The following TCF20 variants were observed in gnomAD, a reference collection of about 807,000 sequenced individuals.
The protein encoded by TCF20 is transcription factor 20.
TCF20 carries 3 observed loss-of-function variants against 148.6 expected under a neutral mutation model. That is an observed-to-expected ratio of 0.02 (90% CI 0.01 to 0.05). The LOEUF (loss-of-function observed/expected upper bound fraction) is 0.05. Ranked by LOEUF, TCF20 falls within the 10% of genes least tolerant of loss-of-function variation. The pLI, the probability that TCF20 is intolerant of heterozygous loss-of-function variation, is 1.00. For missense variants in TCF20, 2,350 were observed against 2,429.3 expected, an observed-to-expected ratio of 0.97 and a Z score of 0.69; for synonymous variants, 1,049 against 909.5, an observed-to-expected ratio of 1.15 and a Z score of -2.76.
chr22:42,240,141 G>A (rs1924266093), intron 1 of TCF20, among the ~76,000 whole-genome samples: 1 of 152,182 alleles, frequency 6.6e-6, no homozygotes, highest in South Asian at 2.1e-4. Flanking sequence ...CACCCACGAG[G>A]TAGGTACAAT....
chr22:42,340,845 G>GGGGGAGGGGAAA (rs941538899), intron 1 of TCF20, among the ~76,000 whole-genome samples: 1 of 152,134 alleles, frequency 6.6e-6, no homozygotes, highest in African/African-American at 2.4e-5. Flanking sequence ...GGAAGGGGGA[G>GGGGGAGGGGAAA]GGGGAGGGGA....
In TCF20 at chr22:42,214,472, A is replaced by C. The variant is rs1921465127; in HGVS notation, c.834T>G (p.Gly278=). 6.2e-7 allele frequency: 1 copy of C among 1,613,924 alleles called. No individual in the cohort carries two copies. The highest frequency in any genetic ancestry group is 8.5e-7 in the Non-Finnish European group (1 of 1,180,026). Reference sequence around the variant, plus strand: ...GTGTTCCATAAGCCTGTGCATTAGAACCCACATTGTGTCCTTCATACTGAG... The same window carrying C: ...GTGTTCCATAAGCCTGTGCATTAGACCCCACATTGTGTCCTTCATACTGAG... ...AGSQYEGHNV[G]SNAQAYGTQS... The change falls in exon 2 of 6, where the codon GGT becomes GGG. Residue 278 remains glycine, a synonymous_variant. Transcript: ENST00000677622.
chr22:42,242,411 T>C (rs1357351437), intron 1 of TCF20, among the ~76,000 whole-genome samples: 1 of 151,876 alleles, frequency 6.6e-6, no homozygotes, highest in African/African-American at 2.4e-5. Flanking sequence ...CTCTATTATC[T>C]AGAATGTCTT....
chr22:42,215,064 C>A lies in TCF20; in HGVS notation c.242G>T (p.Gly81Val), dbSNP rs751605950. The A allele has an allele frequency of 7.4e-6, 12 of 1,614,212 alleles. No individual in the cohort carries two copies. Among genetic ancestry groups the A allele is most frequent in the South Asian group, 1.1e-5 (1 of 91,086 alleles). The change falls in exon 2 of 6, where the codon GGT becomes GTT. Residue 81 changes from glycine (G) to valine (V), a missense_variant. This residue lies in a region of TCF20 where 1,641 missense variants were observed against 1,662.6 expected (regional missense o/e 0.99). Transcript: ENST00000677622. ...SETSGHQGYQGFRKEAGDFYY... is the reference protein window; with the variant it reads ...SETSGHQGYQVFRKEAGDFYY... Reference sequence around the variant, plus strand: ...AAAATCTCCAGCCTCTTTCCTGAAACCCTGGTAACCTTGATGGCCAGAGGT... The same window carrying A: ...AAAATCTCCAGCCTCTTTCCTGAAAACCTGGTAACCTTGATGGCCAGAGGT...
chr22:42,288,850 GAGAA>G (rs1354254424), upstream of TCF20, among the ~76,000 whole-genome samples: 3 of 151,938 alleles, frequency 2.0e-5, no homozygotes, highest in Admixed American at 6.6e-5. Context: ...CTGAGGCCCA[GAGAA>G]AGAAAGACTT....
chr22:42,219,126 G>A (rs1299474755), intron 1 of TCF20, among the ~76,000 whole-genome samples: 1 of 151,860 alleles, frequency 6.6e-6, no homozygotes, highest in Non-Finnish European at 1.5e-5. Flanking sequence ...GCTCACACCT[G>A]TAATCCCAGT....
intron 1 of TCF20, among the ~76,000 whole-genome samples, chr22:42,331,536 G>A (rs184765937): frequency 9.6e-4 from 146 of 152,350 alleles, no homozygotes; most frequent in Non-Finnish European, 1.4e-3. Flanking sequence ...TCCCAGACCC[G>A]GGCAACCTTG....
intron 1 of TCF20, among the ~76,000 whole-genome samples, chr22:42,312,227 A>G (rs1180797864): frequency 6.6e-6 from 1 of 152,230 alleles, no homozygotes; most frequent in Non-Finnish European, 1.5e-5. Flanking sequence ...GGATTACAGC[A>G]GCAAGGACTC....
chr22:42,323,942 TGATGGA>T (rs1927798386), intron 1 of TCF20, among the ~76,000 whole-genome samples: 1 of 112,368 alleles, frequency 8.9e-6, no homozygotes, highest in Non-Finnish European at 1.9e-5. Flanking sequence ...GTGGTGGTGG[TGATGGA>T]GGTTATGGTG....
chr22:42,276,362 A>ATTTTCT (rs920613660), intron 1 of TCF20: 7 of 152,202 alleles, frequency 4.6e-5, no homozygotes, highest in Admixed American at 4.6e-4. Flanking sequence ...ACAAGTGAAG[A>ATTTTCT]AATGGAGGCC....
At chr22:42,215,677 T>C (rs1015240636) in intron 1 of TCF20, among the ~76,000 whole-genome samples, 1 of 152,190 alleles carries the variant, frequency 6.6e-6, no homozygotes, top group Non-Finnish European at 1.5e-5. Flanking sequence ...TTCACTGTGC[T>C]GGCCAGGCTG....
In TCF20 at chr22:42,336,405, C is replaced by A. The variant is rs892904828; in HGVS notation, c.-37+7074G>T. On this transcript the variant is annotated intron_variant, in intron 1 of 1. Transcript: ENST00000515426. Reference sequence around the variant, plus strand: ...CCCCGGAGCACTCCAGCCAGAGGTTCCCTGCTCAGGCCTGCTTCAGGCATC... The same window carrying A: ...CCCCGGAGCACTCCAGCCAGAGGTTACCTGCTCAGGCCTGCTTCAGGCATC... 5.3e-5 allele frequency among the ~76,000 whole-genome samples: 8 copies of A among 152,148 alleles called. No individual in the cohort carries two copies. The East Asian group carries it at 5.8e-4, about 11-fold the overall frequency.
At chr22:42,226,555 ACTGGCC>A in intron 1 of TCF20, among the ~76,000 whole-genome samples, 1 of 152,074 alleles carries the variant, frequency 6.6e-6, no homozygotes, top group African/African-American at 2.4e-5. Context: ...AAATACAAAA[ACTGGCC>A]ACATACGGTG....
At chr22:42,245,937 T>C (rs530759510) in intron 1 of TCF20, among the ~76,000 whole-genome samples, 2 of 152,162 alleles carry the variant, frequency 1.3e-5, no homozygotes, top group Non-Finnish European at 1.5e-5. Context: ...TTACAACGTA[T>C]TATCAATGAT....
chr22:42,332,844 T>C (rs1345796173), intron 1 of TCF20, among the ~76,000 whole-genome samples: 1 of 152,160 alleles, frequency 6.6e-6, no homozygotes, highest in Admixed American at 6.5e-5. Flanking sequence ...CGGCTCTGTT[T>C]CTATAAAGTG....
rs541669133 is a variant in TCF20 at position 42,242,103 on chromosome 22, C to T, written c.-36-26762G>A. Among the ~76,000 whole-genome samples, 29 of 145,656 alleles carry T rather than the reference C, an allele frequency of 2.0e-4. 1 individual carries two copies. In the South Asian group the frequency reaches 4.9e-3, roughly 25 times the overall value. On this transcript the variant is annotated intron_variant, in intron 1 of 5. Coordinates refer to ENST00000677622, the MANE Select transcript of TCF20 (RefSeq NM_001378418.1). ...TGTAAGTCCCAGCTACTCGGGAGGC[C>T]GAGGCAGAAGAATCACTTGAACCCA...
intron 2 of TCF20, among the ~76,000 whole-genome samples, chr22:42,198,466 G>A (rs770539623): frequency 2.6e-4 from 39 of 152,168 alleles, no homozygotes; most frequent in Non-Finnish European, 5.3e-4. Context: ...GGATGCCCAA[G>A]TCGCTTATAT....
chr22:42,251,798 T>G (rs370724959), intron 1 of TCF20, among the ~76,000 whole-genome samples: 1 of 151,352 alleles, frequency 6.6e-6, no homozygotes, highest in African/African-American at 2.4e-5. Flanking sequence ...CCACCGCACC[T>G]GGCCCAAATA....
intron 1 of TCF20, among the ~76,000 whole-genome samples, chr22:42,311,466 C>G (rs1927535800): frequency 6.6e-6 from 1 of 152,318 alleles, no homozygotes; most frequent in Non-Finnish European, 1.5e-5. Flanking sequence ...ATCACCTTTC[C>G]TAAAGGACAA....
Sources: allele counts gnomAD v4.1 joint callset (sites outside exome capture counted in the v4.1 genomes callset), GRCh38; gene constraint gnomAD v4.1.1; regional missense constraint gnomAD v4.1.1; transcripts MANE v1.5; gene names NCBI Gene and HGNC (gene_info 2026-07-23, HGNC 2026-07-21).